Variants in FGF13 observed in about 807,000 individuals in gnomAD.
FGF13 encodes the protein fibroblast growth factor homologous factor 2.
Under a neutral mutation model 19.5 loss-of-function variants are expected in FGF13, and 2 were observed. The ratio of observed to expected loss-of-function variants is 0.10; its 90% CI spans 0.04 to 0.32. The LOEUF (loss-of-function observed/expected upper bound fraction) is 0.32, where lower values mean the gene tolerates loss of function less well. Among genes scored for constraint, FGF13 ranks in the 10% least tolerant of loss-of-function variants. FGF13 has a pLI of 1.00. For synonymous variants in FGF13, 72 were observed against 76.9 expected, an observed-to-expected ratio of 0.94 and a Z score of 0.33; for missense variants, 113 against 192.7, an observed-to-expected ratio of 0.59 and a Z score of 2.45.
chrX:138,805,969 T>C (rs899618549), intron 3 of FGF13, among the ~76,000 whole-genome samples: 2 of 111,747 alleles, frequency 1.8e-5, no homozygotes, highest in Non-Finnish European at 3.8e-5. Context: ...AGTTCGTCTT[T>C]GTGACCCTAG....
At chrX:138,932,446 G>A (rs1417701337) in intron 1 of FGF13, among the ~76,000 whole-genome samples, 2 of 107,729 alleles carry the variant, frequency 1.9e-5, no homozygotes, top group African/African-American at 3.4e-5. Flanking sequence ...GGGCCTGGTG[G>A]CACACGCCTG....
intron 3 of FGF13, among the ~76,000 whole-genome samples, chrX:138,851,045 C>A (rs1014177368): frequency 9.0e-5 from 10 of 111,487 alleles, no homozygotes; most frequent in African/African-American, 3.3e-4. Context: ...TGGATCCATC[C>A]ATGTCCCTGC....
At chrX:138,765,605 A>C (rs1364643245) in intron 3 of FGF13, among the ~76,000 whole-genome samples, 8 of 112,168 alleles carry the variant, frequency 7.1e-5, no homozygotes. Context: ...TAGTTGCATA[A>C]AAATGAACAG....
chrX:138,961,586 T>A (rs2091870383), intron 1 of FGF13, among the ~76,000 whole-genome samples: 1 of 111,413 alleles, frequency 9.0e-6, no homozygotes, highest in Non-Finnish European at 1.9e-5. Context: ...AGCTATGCCC[T>A]GCCATATACT....
intron 3 of FGF13, among the ~76,000 whole-genome samples, chrX:138,658,559 C>T (rs932288415): frequency 3.6e-5 from 4 of 111,877 alleles, no homozygotes; most frequent in Non-Finnish European, 5.6e-5. Context: ...TATAATAGTA[C>T]GGAAAATAAC....
chrX:138,984,588 A>AAGAAGGAGGAGG (rs2091982501), intron 1 of FGF13, among the ~76,000 whole-genome samples: 10 of 11,509 alleles, frequency 8.7e-4, no homozygotes, highest in Non-Finnish European at 1.3e-3. Context: ...GAAGAAGAAG[A>AAGAAGGAGGAGG]AGGAGGAGGA....
intron 1 of FGF13, among the ~76,000 whole-genome samples, chrX:139,024,801 G>C (rs771023544): frequency 3.6e-5 from 4 of 111,136 alleles, no homozygotes; most frequent in African/African-American, 6.5e-5. Flanking sequence ...TGGTGATCTG[G>C]CCCTGTTGTT....
intron 3 of FGF13, among the ~76,000 whole-genome samples, chrX:138,820,377 C>A (rs1426361084): frequency 2.7e-5 from 3 of 111,837 alleles, no homozygotes; most frequent in African/African-American, 9.7e-5. Context: ...ACTGAGGATG[C>A]ATAAGACAGT....
intron 1 of FGF13, among the ~76,000 whole-genome samples, chrX:138,874,160 AT>A (rs2091374770): frequency 9.9e-6 from 1 of 101,096 alleles, no homozygotes; most frequent in Non-Finnish European, 2.0e-5. Context: ...TAATAAATAT[AT>A]ATATATATAT....
chrX:138,739,276 T>C (rs769940535), exon 1 of FGF13: 1 of 1,193,220 alleles, frequency 8.4e-7, no homozygotes, highest in African/African-American at 1.8e-5. Context: ...CCATGCTTCT[T>C]TATAAGCTGG....
chrX:138,767,286 A>G (rs2090509477), intron 3 of FGF13, among the ~76,000 whole-genome samples: 1 of 112,009 alleles, frequency 8.9e-6, no homozygotes, highest in African/African-American at 3.2e-5. Context: ...TCTTTTATCC[A>G]AGATATAAAA....
chrX:138,945,794 C>G (rs1265338347), intron 1 of FGF13, among the ~76,000 whole-genome samples: 1 of 111,821 alleles, frequency 8.9e-6, no homozygotes, highest in East Asian at 2.8e-4. Flanking sequence ...CTCAGAGAAG[C>G]TTGTCTTATA....
intron 1 of FGF13, among the ~76,000 whole-genome samples, chrX:139,199,844 T>C (rs1487394883): frequency 1.8e-5 from 2 of 112,434 alleles, no homozygotes; most frequent in Non-Finnish European, 3.8e-5. Context: ...GAAGCAGTAC[T>C]AAGCTAGAGA....
chrX:138,688,812 A>C (rs1436265675), intron 3 of FGF13, among the ~76,000 whole-genome samples: 1 of 112,092 alleles, frequency 8.9e-6, no homozygotes, highest in East Asian at 2.8e-4. Context: ...AAATATCCTA[A>C]TAGAAAAATG....
upstream of FGF13, among the ~76,000 whole-genome samples, chrX:138,741,218 C>A (rs960166360): frequency 1.8e-5 from 2 of 111,806 alleles, no homozygotes; most frequent in African/African-American, 6.5e-5. Flanking sequence ...AAAATTAAGT[C>A]ATCTTAATAT....
intron 3 of FGF13, among the ~76,000 whole-genome samples, chrX:138,780,873 GCACCA>G (rs1272343890): frequency 1.5e-3 from 162 of 109,921 alleles, no homozygotes; most frequent in African/African-American, 5.2e-3. Context: ...TTTTTTTTCA[GCACCA>G]CACCACACCT....
intron 1 of FGF13, among the ~76,000 whole-genome samples, chrX:138,709,638 AAT>A (rs1175085532): frequency 2.7e-5 from 3 of 112,392 alleles, no homozygotes; most frequent in East Asian, 5.6e-4. Context: ...GATTATCAAA[AAT>A]ATGAGTTCTT....
chrX:138,870,099 T>C (rs2091350179), intron 1 of FGF13, among the ~76,000 whole-genome samples: 1 of 112,141 alleles, frequency 8.9e-6, no homozygotes, highest in Admixed American at 9.5e-5. Context: ...TCAACACTTA[T>C]ATGTAACTCC....
chrX:139,039,907 G>C (rs1418006921), intron 1 of FGF13, among the ~76,000 whole-genome samples: 1 of 111,849 alleles, frequency 8.9e-6, no homozygotes, highest in East Asian at 2.8e-4. Context: ...TGAAAAATAT[G>C]AGACGTGTCA....
Sources: gnomAD v4.1 joint callset for allele counts (sites outside exome capture counted in the v4.1 genomes callset) on GRCh38, gnomAD v4.1.1 for gene constraint, MANE v1.5 for transcripts, NCBI Gene and HGNC (gene_info 2026-07-23, HGNC 2026-07-21) for gene names.